CDH18: variants seen among roughly 807,000 people sequenced by gnomAD.
The protein encoded by CDH18 is cadherin 18.
Under a neutral mutation model 67.9 loss-of-function variants are expected in CDH18, and 31 were observed. That is an observed-to-expected ratio of 0.46 (90% CI 0.34 to 0.62). The LOEUF (loss-of-function observed/expected upper bound fraction) is 0.62. Among genes scored for constraint, CDH18 ranks in the 20% least tolerant of loss-of-function variants. The pLI, the probability that CDH18 is intolerant of heterozygous loss-of-function variation, is 0.01. For synonymous variants in CDH18, 362 were observed against 347.2 expected (o/e 1.04, Z -0.48); for missense variants, 890 against 975.5 (o/e 0.91, Z 1.17).
At chr5:20,040,105 A>G (rs888386758) in intron 2 of CDH18, among the ~76,000 whole-genome samples, 1 of 152,162 alleles carries the variant, frequency 6.6e-6, no homozygotes, top group Non-Finnish European at 1.5e-5. Flanking sequence ...AAAAAACCTC[A>G]TCATCACTGG....
intron 2 of CDH18, among the ~76,000 whole-genome samples, chr5:20,159,236 G>A (rs1429182241): frequency 6.6e-6 from 1 of 152,126 alleles, no homozygotes; most frequent in African/African-American, 2.4e-5. Context: ...GCACACTAAT[G>A]TCTAAAAAGA....
intron 5 of CDH18, among the ~76,000 whole-genome samples, chr5:19,680,541 A>G (rs757387497): frequency 4.6e-5 from 7 of 152,022 alleles, no homozygotes; most frequent in Non-Finnish European, 8.8e-5. Flanking sequence ...AATGTATAAT[A>G]GCCAGAATCC....
At chr5:20,566,255 C>T (rs1029294476) in intron 1 of CDH18, among the ~76,000 whole-genome samples, 2 of 151,920 alleles carry the variant, frequency 1.3e-5, no homozygotes, top group Admixed American at 1.3e-4. Context: ...AGGAAGCTTC[C>T]GTTGTTGACA....
At chr5:19,669,196 A>G (rs1044642578) in intron 5 of CDH18, among the ~76,000 whole-genome samples, 1 of 146,528 alleles carries the variant, frequency 6.8e-6, no homozygotes, top group Non-Finnish European at 1.5e-5. Flanking sequence ...ATAATATAAT[A>G]TATGATGTAA....
At chr5:20,550,943 A>G (rs990863566) in intron 1 of CDH18, among the ~76,000 whole-genome samples, 2 of 152,116 alleles carry the variant, frequency 1.3e-5, no homozygotes, top group African/African-American at 4.8e-5. Context: ...AGGAGGTGGG[A>G]GCAGTTGCCA....
chr5:19,709,412 C>A (rs2150520816), intron 5 of CDH18, among the ~76,000 whole-genome samples: 1 of 152,026 alleles, frequency 6.6e-6, no homozygotes, highest in African/African-American at 2.4e-5. Context: ...ACTAAAAATA[C>A]AAAAATTAGC....
At chr5:20,049,860 T>G (rs557709456) in intron 2 of CDH18, among the ~76,000 whole-genome samples, 2 of 151,666 alleles carry the variant, frequency 1.3e-5, no homozygotes, top group South Asian at 4.1e-4. Context: ...ATGAGTAACA[T>G]GCTAAAATTA....
chr5:19,896,732 C>G (rs1302758907), intron 2 of CDH18, among the ~76,000 whole-genome samples: 1 of 152,122 alleles, frequency 6.6e-6, no homozygotes, highest in Non-Finnish European at 1.5e-5. Context: ...CATAGAAACA[C>G]AAATAAATAC....
chr5:20,013,995 A>G (rs967910630), intron 2 of CDH18, among the ~76,000 whole-genome samples: 4 of 152,150 alleles, frequency 2.6e-5, no homozygotes, highest in Middle Eastern at 3.2e-3. Flanking sequence ...TCAATGTACT[A>G]TTTTAGAGAA....
intron 6 of CDH18, among the ~76,000 whole-genome samples, chr5:19,605,809 T>C (rs577682545): frequency 2.6e-4 from 40 of 152,206 alleles, no homozygotes; most frequent in Admixed American, 1.3e-3. Flanking sequence ...AAAAATTGTG[T>C]AGCTTTTGGA....
intron 2 of CDH18, among the ~76,000 whole-genome samples, chr5:20,217,311 C>A (rs1740858666): frequency 6.6e-6 from 1 of 151,596 alleles, no homozygotes; most frequent in Non-Finnish European, 1.5e-5. Context: ...ATAATAATGA[C>A]AATAACTTTT....
In CDH18 at chr5:19,849,669, C is replaced by T. The variant is rs1207064140; in HGVS notation, c.-256-10427G>A. On this transcript the variant is annotated intron_variant, in intron 2 of 12. Coordinates refer to ENST00000382275, the MANE Select transcript of CDH18 (RefSeq NM_004934.5). ...ATATATATAAACATATATATATACA[C>T]GCATATATATATAAACATATATATA... Among the ~76,000 whole-genome samples, 6 of 13,796 alleles carry T rather than the reference C, an allele frequency of 4.3e-4. 2 individuals carry two copies. The highest frequency in any genetic ancestry group is 8.3e-3 in the South Asian group (2 of 242). The allele number at this position is 13,796 out of a possible 152,430, so 9.1% of individuals were successfully genotyped here.
intron 10 of CDH18, among the ~76,000 whole-genome samples, chr5:19,519,915 T>TATAG (rs2126895034): frequency 6.6e-6 from 1 of 152,278 alleles, no homozygotes; most frequent in Non-Finnish European, 1.5e-5. Flanking sequence ...ACACCTTGAT[T>TATAG]ATAGTCTTGC....
chr5:20,097,760 T>A (rs1746115218), intron 2 of CDH18, among the ~76,000 whole-genome samples: 1 of 152,212 alleles, frequency 6.6e-6, no homozygotes, highest in Non-Finnish European at 1.5e-5. Context: ...ATAGTCACTA[T>A]TCTTTTGCAA....
chr5:19,972,835 T>C (rs1194930876), intron 2 of CDH18, among the ~76,000 whole-genome samples: 1 of 152,026 alleles, frequency 6.6e-6, no homozygotes, highest in Non-Finnish European at 1.5e-5. Flanking sequence ...TGTTCACAGT[T>C]ATATTATTTG....
intron 6 of CDH18, among the ~76,000 whole-genome samples, chr5:19,611,152 T>G (rs1748889735): frequency 1.3e-5 from 2 of 152,002 alleles, no homozygotes; most frequent in African/African-American, 4.8e-5. Flanking sequence ...GAGGATCTCA[T>G]AAGTGGAAGG....
At chr5:19,731,115 A>C (rs929497096) in intron 4 of CDH18, among the ~76,000 whole-genome samples, 5 of 152,114 alleles carry the variant, frequency 3.3e-5, no homozygotes, top group African/African-American at 4.8e-5. Flanking sequence ...TGAACCTATC[A>C]CACATTTTCA....
intron 3 of CDH18, among the ~76,000 whole-genome samples, chr5:19,762,472 C>A (rs1772492613): frequency 6.6e-6 from 1 of 152,082 alleles, no homozygotes; most frequent in Admixed American, 6.5e-5. Context: ...ATTTATGCAG[C>A]CAACAGACAC....
At chr5:19,588,247 C>T (rs1465995587) in intron 7 of CDH18, among the ~76,000 whole-genome samples, 1 of 151,998 alleles carries the variant, frequency 6.6e-6, no homozygotes, top group East Asian at 1.9e-4. Flanking sequence ...ATTTGATTTC[C>T]TCTCTTCCTA....
Sources: gnomAD v4.1 joint callset for allele counts (sites outside exome capture counted in the v4.1 genomes callset) on GRCh38, gnomAD v4.1.1 for gene constraint, MANE v1.5 for transcripts, NCBI Gene and HGNC (gene_info 2026-07-23, HGNC 2026-07-21) for gene names.